OTOA: variants seen among roughly 807,000 people sequenced by gnomAD.
The protein encoded by OTOA is cancer/testis antigen 108.
A neutral mutation model predicts 110.8 loss-of-function variants in OTOA; 70 were observed. The observed-to-expected ratio is 0.63, with a 90% CI of 0.52 to 0.77. OTOA has a LOEUF of 0.77. OTOA is among the 30% of genes least tolerant of loss of function. The probability of loss-of-function intolerance (pLI) is 0.00; values close to 1 mark genes in which losing one functional copy is unlikely to be tolerated. For missense variants in OTOA, 917 were observed against 1,075.8 expected (o/e 0.85, Z 2.06); for synonymous variants, 373 against 431.5 (o/e 0.86, Z 1.68).
At chr16:21,684,503 A>G (rs1222957938) in intron 6 of OTOA, 1 of 1,550,020 alleles carries the variant, frequency 6.5e-7, no homozygotes, top group Non-Finnish European at 8.7e-7. Flanking sequence ...AACTTCCTGG[A>G]CAAAGGCCAG....
At chr16:21,738,448 C>G (rs533908128) in intron 22 of OTOA, among the ~76,000 whole-genome samples, 1 of 108,452 alleles carries the variant, frequency 9.2e-6, no homozygotes, top group African/African-American at 2.9e-5. Flanking sequence ...CTTGTTCTCC[C>G]GTTTTTTTTT....
intron 17 of OTOA, among the ~76,000 whole-genome samples, chr16:21,722,270 C>CAA (rs575619505): frequency 8.5e-5 from 9 of 106,032 alleles, no homozygotes; most frequent in South Asian, 8.3e-4. Context: ...AAAAAAAAAA[C>CAA]AAAAAAAAAA....
chr16:21,664,978 G>GAATAAACA (rs1555495193), intron 1 of OTOA, among the ~76,000 whole-genome samples: 1 of 144,926 alleles, frequency 6.9e-6, no homozygotes, highest in African/African-American at 2.6e-5. Flanking sequence ...TCTCATGAAT[G>GAATAAACA]AATAAATAAA....
At chr16:21,695,891 A>ATATATTTTTTTTTTTTTT (rs569493650) in intron 9 of OTOA, among the ~76,000 whole-genome samples, 1 of 41,904 alleles carries the variant, frequency 2.4e-5, no homozygotes, top group Non-Finnish European at 3.7e-5. Context: ...ATATATATAT[A>ATATATTTTTTTTTTTTTT]TTTTTTTTTT....
At chr16:21,724,743 T>C (rs897521346) in intron 18 of OTOA, among the ~76,000 whole-genome samples, 3 of 152,044 alleles carry the variant, frequency 2.0e-5, no homozygotes, top group Non-Finnish European at 4.4e-5. Context: ...TACAGAGCCA[T>C]TTTATTTTCT....
At chr16:21,707,694 C>A (rs1248138856) in intron 12 of OTOA, among the ~76,000 whole-genome samples, 1 of 139,878 alleles carries the variant, frequency 7.1e-6, no homozygotes, top group African/African-American at 2.7e-5. Flanking sequence ...TTTCTTTCTT[C>A]CCTCCTTCCT....
chr16:21,673,974 T>A (rs898470978), intron 1 of OTOA, among the ~76,000 whole-genome samples: 16 of 152,168 alleles, frequency 1.1e-4, no homozygotes, highest in Admixed American at 7.9e-4. Flanking sequence ...ATTTTTTGTA[T>A]TTTTAGTAGA....
intron 21 of OTOA, among the ~76,000 whole-genome samples, chr16:21,735,175 G>C (rs1030398581): frequency 2.7e-5 from 4 of 150,140 alleles, no homozygotes; most frequent in Admixed American, 1.3e-4. Flanking sequence ...AAAGAGGATT[G>C]ATTGGCTCAT....
intron 5 of OTOA, among the ~76,000 whole-genome samples, chr16:21,681,089 C>A (rs1158274301): frequency 6.6e-6 from 1 of 152,152 alleles, no homozygotes; most frequent in Non-Finnish European, 1.5e-5. Flanking sequence ...CTATGCTATT[C>A]CAGCCTCTCA....
At chr16:21,685,422 A>G (rs1400583949) in intron 7 of OTOA, 61 bp downstream of exon 7, 4 of 1,593,704 alleles carry the variant, frequency 2.5e-6, no homozygotes, top group Non-Finnish European at 2.6e-6. Flanking sequence ...TGTTTGTTGA[A>G]TTGAATAAAT....
chr16:21,678,477 A>C (rs746623858), intron 1 of OTOA, 34 bp from the exon 2 acceptor site: 18 of 1,421,524 alleles, frequency 1.3e-5, no homozygotes, highest in Middle Eastern at 2.0e-4. Flanking sequence ...TATTAAAAAA[A>C]CATGAATCAC....
At chr16:21,667,624 A>C (rs1308886454) in intron 1 of OTOA, among the ~76,000 whole-genome samples, 2 of 151,996 alleles carry the variant, frequency 1.3e-5, no homozygotes, top group African/African-American at 2.4e-5. Context: ...CAATTAAATA[A>C]ATACATAAAA....
chr16:21,697,037 CT>C (rs56124254), intron 9 of OTOA, among the ~76,000 whole-genome samples: 11,946 of 64,218 alleles, frequency 0.19, 170 homozygotes, highest in African/African-American at 0.21. Flanking sequence ...CTACAGCTGG[CT>C]TTTTTTTTTT....
chr16:21,717,150 G>A (rs1898581830), intron 15 of OTOA, 103 bp downstream of exon 15: 2 of 1,500,246 alleles, frequency 1.3e-6, no homozygotes, highest in African/African-American at 1.4e-5. Context: ...ATTTATTTCT[G>A]TGGGATTAGT....
intron 1 of OTOA, among the ~76,000 whole-genome samples, chr16:21,673,709 C>T (rs7188803): frequency 0.25 from 38,371 of 151,978 alleles, 4,939 homozygotes; most frequent in Middle Eastern, 0.28. Context: ...CATTCACCTA[C>T]GGAATGACAT....
intron 13 of OTOA, among the ~76,000 whole-genome samples, chr16:21,714,624 G>C (rs1898492649): frequency 6.6e-6 from 1 of 151,876 alleles, no homozygotes; most frequent in African/African-American, 2.4e-5. Flanking sequence ...CAATTCTCCT[G>C]CCTCAGCCTC....
In OTOA at chr16:21,697,855, A is replaced by G. The variant is rs1897976181; in HGVS notation, c.820A>G (p.Thr274Ala). Residue 274 changes from threonine (T) to alanine (A), a missense_variant, in exon 10 of 29, where the codon ACG becomes GCG. Transcript: ENST00000646100. ...GGTTCACCTATCGTTTGAAGAAATT[A>G]CGAAAATTAGTCCTATAGAAGTAAG... Reference protein sequence around the residue: ...YMVHLSFEEITKISPIEIGLF... With the variant: ...YMVHLSFEEIAKISPIEIGLF... 1 of 1,613,878 alleles carries G rather than the reference A, an allele frequency of 6.2e-7. No individual in the cohort carries two copies. The highest frequency in any genetic ancestry group is 1.3e-5 in the African/African-American group (1 of 74,906).
chr16:21,728,458 G>T lies in OTOA; in HGVS notation c.2207+27G>T, dbSNP rs764974717. ...TGAGGAGCGGCTGGGTTTGGCTTTT[G>T]GTGGTGTGGTATGCTCTGTGGAGGG... On this transcript the variant is annotated intron_variant, in intron 20 of 28. Coordinates refer to ENST00000646100, the MANE Select transcript of OTOA (RefSeq NM_144672.4). 3 of 1,607,694 alleles carry T rather than the reference G, an allele frequency of 1.9e-6. No individual in the cohort carries two copies. In the South Asian group the frequency reaches 3.3e-5, roughly 18 times the overall value.
intron 12 of OTOA, among the ~76,000 whole-genome samples, chr16:21,706,128 C>T (rs953780066): frequency 4.6e-5 from 7 of 152,084 alleles, no homozygotes; most frequent in African/African-American, 7.2e-5. Context: ...ACAGCTACTT[C>T]GAACTTAAAT....
Sources: allele counts gnomAD v4.1 joint callset (sites outside exome capture counted in the v4.1 genomes callset), GRCh38; gene constraint gnomAD v4.1.1; transcripts MANE v1.5; gene names NCBI Gene and HGNC (gene_info 2026-07-23, HGNC 2026-07-21).